The following PRAG1 variants were observed in gnomAD, a reference collection of about 807,000 sequenced individuals.
PRAG1 encodes inactive tyrosine-protein kinase PRAG1.
PRAG1 carries 110 observed loss-of-function variants against 95.6 expected under a neutral mutation model. The observed-to-expected ratio is 1.15, with a 90% CI of 0.99 to 1.35. The LOEUF (loss-of-function observed/expected upper bound fraction) is 1.35. Among genes scored for constraint, PRAG1 ranks in the 40% most tolerant of loss-of-function variants. The pLI, the probability that PRAG1 is intolerant of heterozygous loss-of-function variation, is 0.00. For missense variants in PRAG1, 2,554 were observed against 1,864.7 expected, an observed-to-expected ratio of 1.37 and a Z score of -6.81; for synonymous variants, 1,052 against 819.4, an observed-to-expected ratio of 1.28 and a Z score of -4.85.
chr8:8,350,895 AATGG>A (rs61665217), intron 3 of PRAG1, among the ~76,000 whole-genome samples: 87,335 of 149,252 alleles, frequency 0.59, 25,909 homozygotes, highest in South Asian at 0.69. Flanking sequence ...GTGCTCGTTA[AATGG>A]ATGGATGGAT....
intron 3 of PRAG1, among the ~76,000 whole-genome samples, chr8:8,366,216 G>A (rs1039389543): frequency 6.6e-6 from 1 of 151,868 alleles, no homozygotes; most frequent in Non-Finnish European, 1.5e-5. Context: ...TGGCATTTCG[G>A]TCTAAAATTA....
At position 8,318,951 on chromosome 8, in the gene PRAG1, T is replaced by C. The variant is rs1319122883; in HGVS notation, c.3424A>G (p.Ile1142Val). 5 of 1,612,732 alleles carry C rather than the reference T, an allele frequency of 3.1e-6. No individual in the cohort carries two copies. The highest frequency in any genetic ancestry group is 1.6e-4 in the Middle Eastern group (1 of 6,068). ...GLEHLKEHGIIHRDLCLENLL... is the reference protein window; with the variant it reads ...GLEHLKEHGIVHRDLCLENLL... Reference sequence around the variant, plus strand: ...TTCTCCAGGCACAGGTCCCGGTGGATGATCCCGTGCTCCTTCAGGTGCTCC... The same window carrying C: ...TTCTCCAGGCACAGGTCCCGGTGGACGATCCCGTGCTCCTTCAGGTGCTCC... Residue 1142 changes from isoleucine (I) to valine (V), a missense_variant, in exon 6 of 6, where the codon ATC (isoleucine) becomes GTC (valine). Ile to Val is a conservative substitution (Grantham distance 29, BLOSUM62 3). Coordinates refer to ENST00000615670, the MANE Select transcript of PRAG1 (RefSeq NM_001080826.3). The surrounding 1 kb of genome is among the most constrained non-coding windows in gnomAD (Gnocchi z 4.2).
chr8:8,340,515 T>G (rs766611425), intron 3 of PRAG1, among the ~76,000 whole-genome samples: 3 of 152,258 alleles, frequency 2.0e-5, no homozygotes, highest in Non-Finnish European at 4.4e-5. Context: ...TTGTCTGAAC[T>G]GATATTTCCT....
At chr8:8,333,073 A>C (rs1267350941) in intron 4 of PRAG1, among the ~76,000 whole-genome samples, 2 of 152,246 alleles carry the variant, frequency 1.3e-5, no homozygotes, top group African/African-American at 4.8e-5. Context: ...TTGGATCCCA[A>C]GGGACATGAG....
chr8:8,377,790 AG>A lies in PRAG1; in HGVS notation c.618del (p.Phe207SerfsTer163), dbSNP rs1349498501. On this transcript the variant is annotated frameshift_variant, in exon 3 of 6. Coordinates refer to ENST00000615670, the MANE Select transcript of PRAG1 (RefSeq NM_001080826.3). LOFTEE classifies it high-confidence loss of function. ...GCAAAGGCAGCCAGTTTCTGGCGGA[AG>A]CTCTCCTGGGTGGAGGGCCGGTCTT... ...PYQDRPSTQE[S>X]FRQKLAAFAG... 6.2e-7 allele frequency: 1 copy of A among 1,614,132 alleles called. No homozygotes were observed. Among genetic ancestry groups the A allele is most frequent in the Non-Finnish European group, 8.5e-7 (1 of 1,180,036 alleles).
In PRAG1 at chr8:8,327,893, C is replaced by A. The variant is rs777439373; in HGVS notation, c.2889G>T (p.Leu963=). The A allele has an allele frequency of 3.1e-6, 5 of 1,614,132 alleles. No homozygotes were observed. Among genetic ancestry groups the A allele is most frequent in the Non-Finnish European group, 3.4e-6 (4 of 1,180,038 alleles). ...AKLGGLYTQS[L]ARLVAKCEDL... is the part of the protein sequence containing the mutation. ...CCTCACATTTGGCTACAAGGCGGGC[C>A]AGGGACTGGGTGTAGAGTCCCCCCA... The change falls in exon 5 of 6, where the codon CTG becomes CTT. Residue 963 remains leucine, a synonymous_variant. Transcript: ENST00000615670.
rs1364410157 is a variant in PRAG1, at chr8:8,328,285, A to C, written c.2497T>G (p.Trp833Gly). 9 of 1,613,920 alleles carry C rather than the reference A, an allele frequency of 5.6e-6. No homozygotes were observed. Among genetic ancestry groups the C allele is most frequent in the Non-Finnish European group, 5.9e-6 (7 of 1,179,966 alleles). The change falls in exon 5 of 6, where the codon TGG (tryptophan) becomes GGG (glycine). Residue 833 changes from tryptophan (W) to glycine (G), a missense_variant. Physicochemically the swap from Trp to Gly is radical, Grantham distance 184. Transcript: ENST00000615670. ...CCGGGCTTGGGGGAGCCTTGGGTCC[A>C]GAAGAAGCCATCCGGTGAAGAGGCT... ...RAASSPDGFF[W>G]TQGSPKPGTA...
In PRAG1 at chr8:8,347,802, G is replaced by C. The variant is rs985491364; in HGVS notation, c.2163-8167C>G. Among the ~76,000 whole-genome samples the C allele has an allele frequency of 2.0e-5, 3 of 150,116 alleles. No homozygotes were observed. In the South Asian group the frequency reaches 6.4e-4, roughly 32 times the overall value. ...AATATTTATCAAGCTCCTCTAGTGA[G>C]AGATCAATTCACATCTTTTTTTTTT... is the stretch of plus-strand genomic sequence containing the variant. On this transcript the variant is annotated intron_variant, in intron 3 of 5. Coordinates refer to ENST00000615670, the MANE Select transcript of PRAG1 (RefSeq NM_001080826.3).
rs769292034 is a variant in PRAG1 at position 8,318,183 on chromosome 8, G to A, written c.4192C>T (p.Gln1398Ter). 2 of 1,613,818 alleles carry A rather than the reference G, an allele frequency of 1.2e-6. No homozygotes were observed. Among genetic ancestry groups the A allele is most frequent in the Non-Finnish European group, 1.7e-6 (2 of 1,179,926 alleles). The change falls in exon 6 of 6, where the codon CAG becomes TAG. Residue 1398 changes from glutamine to a stop codon, truncating the protein, a stop_gained. Coordinates refer to ENST00000615670, the MANE Select transcript of PRAG1 (RefSeq NM_001080826.3). LOFTEE classifies it high-confidence loss of function. The surrounding 1 kb of genome is among the most constrained non-coding windows in gnomAD (Gnocchi z 4.2). ...LASAEPGALL[Q>*]SLKLLQLL ...AGAAGCTGCAGGAGCTTCAGCGACT[G>A]TAAGAGGGCCCCGGGCTCCGCAGAC...
At chr8:8,353,391 A>G (rs898554144) in intron 3 of PRAG1, among the ~76,000 whole-genome samples, 5 of 152,218 alleles carry the variant, frequency 3.3e-5, no homozygotes, top group African/African-American at 4.8e-5. Context: ...TTAGAACACA[A>G]TAATATGAGG....
rs189575547 is a variant in PRAG1 at position 8,376,356 on chromosome 8, T to G, written c.2053A>C (p.Ser685Arg). 1.4e-4 allele frequency: 218 copies of G among 1,614,230 alleles called. 1 individual carries two copies. In the African/African-American group the frequency reaches 2.7e-3, roughly 20 times the overall value. The change falls in exon 3 of 6, where the codon AGC becomes CGC. Residue 685 changes from serine to arginine, a missense_variant. Transcript: ENST00000615670. ...HPTDGSSGQNSKVGTGMSKSA... is the reference protein window; with the variant it reads ...HPTDGSSGQNRKVGTGMSKSA... ...TTGCTCATCCCGGTCCCAACTTTGC[T>G]GTTCTGCCCAGAGGAGCCATCTGTG...
intron 3 of PRAG1, among the ~76,000 whole-genome samples, chr8:8,358,909 G>T (rs1468823879): frequency 6.6e-6 from 1 of 152,214 alleles, no homozygotes; most frequent in Non-Finnish European, 1.5e-5. Flanking sequence ...TTACATAAAG[G>T]CTTATAGAAG....
intron 3 of PRAG1, among the ~76,000 whole-genome samples, chr8:8,358,002 C>T (rs1799733011): frequency 3.3e-5 from 5 of 152,184 alleles, no homozygotes; most frequent in Admixed American, 3.3e-4. Flanking sequence ...ACACTATCTA[C>T]CTAGAGGTAG....
Position 8,353,945 on chromosome 8 carries a change from T to A in PRAG1, c.2163-14310A>T, listed in dbSNP as rs139899902. 6.5e-4 allele frequency among the ~76,000 whole-genome samples: 95 copies of A among 145,908 alleles called. 5 individuals are homozygous for A. The East Asian group carries it at 0.014, about 22-fold the overall frequency. On this transcript the variant is annotated intron_variant, in intron 3 of 5. Coordinates refer to ENST00000615670, the MANE Select transcript of PRAG1 (RefSeq NM_001080826.3). The stretch of plus-strand genomic sequence containing the variant: ...TAATAAAGATTAGAACAAAAATAAA[T>A]AAAATAAAGAACAGAAAAGCCACAT...
At chr8:8,367,913 T>C (rs1021706086) in intron 3 of PRAG1, among the ~76,000 whole-genome samples, 10 of 152,214 alleles carry the variant, frequency 6.6e-5, no homozygotes, top group African/African-American at 2.4e-4. Context: ...AATGCTGGGA[T>C]TACAGGCGTG....
In PRAG1 at chr8:8,328,002, C is replaced by A. The variant is rs1798688440; in HGVS notation, c.2780G>T (p.Ser927Ile). The A allele has an allele frequency of 3.1e-6, 5 of 1,590,558 alleles. No individual in the cohort carries two copies. Among genetic ancestry groups the A allele is most frequent in the Non-Finnish European group, 4.3e-6 (5 of 1,167,254 alleles). The change falls in exon 5 of 6, where the codon AGT (serine) becomes ATT (isoleucine). Residue 927 changes from serine to isoleucine, a missense_variant. By Grantham distance (142) the Ser-to-Ile change is moderately radical. Transcript: ENST00000615670. ...CTGGGTGCTCCCGGTGGAGGCTTGA[C>A]TGGACACGCTCAGCTGGGAGGATGA... is the stretch of plus-strand genomic sequence containing the variant. ...SASSSQLSVS[S>I]QASTGSTQLQ...
chr8:8,377,645 G>A lies in PRAG1; in HGVS notation c.764C>T (p.Ser255Phe), dbSNP rs778159016. The change falls in exon 3 of 6, where the codon TCC becomes TTC. Residue 255 changes from serine to phenylalanine, a missense_variant. Physicochemically the swap from Ser to Phe is radical, Grantham distance 155. Coordinates refer to ENST00000615670, the MANE Select transcript of PRAG1 (RefSeq NM_001080826.3). ...GCTCCCAGGGCAGCAGTCCAGGATG[G>A]AGCAGTACTCTCCACCCTCGCTGTC... ...SGDSEGGEYCSILDCCPGSPV... is the reference protein window; with the variant it reads ...SGDSEGGEYCFILDCCPGSPV... 2.5e-6 allele frequency: 4 copies of A among 1,613,638 alleles called. No homozygotes were observed. Among genetic ancestry groups the A allele is most frequent in the South Asian group, 1.1e-5 (1 of 91,080 alleles).
chr8:8,326,391 GA>G (rs1798638606), intron 5 of PRAG1, among the ~76,000 whole-genome samples: 1 of 151,520 alleles, frequency 6.6e-6, no homozygotes, highest in East Asian at 1.9e-4. Flanking sequence ...TTTCTAACTG[GA>G]AAAAAAAGCG....
At chr8:8,329,701 C>T (rs1046949062) in intron 4 of PRAG1, among the ~76,000 whole-genome samples, 1 of 152,238 alleles carries the variant, frequency 6.6e-6, no homozygotes, top group African/African-American at 2.4e-5. Flanking sequence ...GAGCCCTTCT[C>T]TGCTTTCTCC....
Sources: gnomAD v4.1 joint callset for allele counts (sites outside exome capture counted in the v4.1 genomes callset) on GRCh38, gnomAD v4.1.1 for gene constraint, Gnocchi (gnomAD v3.1) non-coding constraint, MANE v1.5 for transcripts, NCBI Gene and HGNC (gene_info 2026-07-23, HGNC 2026-07-21) for gene names.